DDHD1: variants seen among roughly 807,000 people sequenced by gnomAD.
DDHD1 encodes the protein phospholipase DDHD1.
Under a neutral mutation model 96.4 loss-of-function variants are expected in DDHD1, and 49 were observed. The ratio of observed to expected loss-of-function variants is 0.51; its 90% CI spans 0.40 to 0.64. DDHD1 has a LOEUF of 0.64. Ranked by LOEUF, DDHD1 falls within the 30% of genes least tolerant of loss-of-function variation. The probability of loss-of-function intolerance (pLI) is 0.00; values close to 1 mark genes in which losing one functional copy is unlikely to be tolerated. For missense variants in DDHD1, 1,106 were observed against 1,161.2 expected (o/e 0.95, Z 0.69); for synonymous variants, 442 against 446.5 (o/e 0.99, Z 0.13).
chr14:53,129,386 C>T (rs1889695383), intron 1 of DDHD1, among the ~76,000 whole-genome samples: 1 of 152,230 alleles, frequency 6.6e-6, no homozygotes, highest in Admixed American at 6.5e-5. Context: ...CTCTCCCTTC[C>T]TTAATTTTGG....
chr14:53,150,100 T>C (rs1317085433), intron 1 of DDHD1: 1 of 152,216 alleles, frequency 6.6e-6, no homozygotes, highest in African/African-American at 2.4e-5. Context: ...TCTCTGTGGT[T>C]GGTCAAAGCC....
chr14:53,114,289 G>A (rs1005879575), intron 1 of DDHD1, among the ~76,000 whole-genome samples: 10 of 152,214 alleles, frequency 6.6e-5, no homozygotes, highest in Admixed American at 2.0e-4. Context: ...CTGTGGGCAC[G>A]AGGCTTCAGC....
rs1009579094 is a variant in DDHD1 at position 53,045,982 on chromosome 14, T to C, written c.*786A>G. 4 of 152,178 alleles carry C rather than the reference T, an allele frequency of 2.6e-5. No homozygotes were observed. The highest frequency in any genetic ancestry group is 7.2e-5 in the African/African-American group (3 of 41,442). The allele number at this position is 152,178 out of a possible 1,614,324, so 9.4% of individuals were successfully genotyped here. On this transcript the variant is annotated 3_prime_UTR_variant, in exon 13 of 13. Transcript: ENST00000673822. ...AAACTTTAGCTTTCTCTGAAGTACA[T>C]GTAACATAATAAAAAGTTTATTTAA...
intron 4 of DDHD1, among the ~76,000 whole-genome samples, chr14:53,077,926 C>T (rs1286014304): frequency 6.6e-6 from 1 of 152,070 alleles, no homozygotes; most frequent in Non-Finnish European, 1.5e-5. Flanking sequence ...GTAATGTTTT[C>T]AAGTCTCATC....
chr14:53,078,664 A>C lies in DDHD1; in HGVS notation c.1290-4817T>G, dbSNP rs946765893. 3.3e-5 allele frequency among the ~76,000 whole-genome samples: 5 copies of C among 152,130 alleles called. No individual in the cohort carries two copies. The East Asian group carries it at 7.7e-4, about 23-fold the overall frequency. On this transcript the variant is annotated intron_variant, in intron 4 of 12. Coordinates refer to ENST00000673822, the MANE Select transcript of DDHD1 (RefSeq NM_001160148.2). ...GTCATTTGCAAACGGAGATAGTTTTATCTCTTCCATACTAATCTAGATGCC... is the reference window on the plus strand; with the variant it reads ...GTCATTTGCAAACGGAGATAGTTTTCTCTCTTCCATACTAATCTAGATGCC...
chr14:53,089,466 G>C (rs1316590019), intron 4 of DDHD1, among the ~76,000 whole-genome samples: 1 of 152,102 alleles, frequency 6.6e-6, no homozygotes, highest in Non-Finnish European at 1.5e-5. Flanking sequence ...TCAAAACAGA[G>C]ATATACACCA....
At position 53,093,421 on chromosome 14, in the gene DDHD1, G is replaced by C; in HGVS notation, c.1036C>G (p.Arg346Gly). The C allele has an allele frequency of 6.2e-7, 1 of 1,611,320 alleles. No individual in the cohort carries two copies. Among genetic ancestry groups the C allele is most frequent in the Middle Eastern group, 1.7e-4 (1 of 6,038 alleles). Residue 346 changes from arginine (R) to glycine (G), a missense_variant, in exon 3 of 13, where the codon CGA becomes GGA. This residue lies in a region of DDHD1 where 650 missense variants were observed against 758.8 expected (regional missense o/e 0.86). Transcript: ENST00000673822. Reference sequence around the variant, plus strand: ...ACACTGTGCCAGTCCACATGGTTTCGACTCAACTTGAAACTATGAACAGCT... The same window carrying C: ...ACACTGTGCCAGTCCACATGGTTTCCACTCAACTTGAAACTATGAACAGCT... ...KDAVHSFKLS[R>G]NHVDWHSVDE...
At chr14:53,103,405 A>G in intron 2 of DDHD1, 1 of 363,674 alleles carries the variant, frequency 2.7e-6, no homozygotes, top group Non-Finnish European at 4.8e-6. Context: ...AAATTACTAA[A>G]AAAGATTAAA....
Position 53,040,928 on chromosome 14 carries a change from A to C in DDHD1, c.*5840T>G, listed in dbSNP as rs1013765788. The C allele has an allele frequency of 6.6e-6, 1 of 152,034 alleles. No individual in the cohort carries two copies. The highest frequency in any genetic ancestry group is 6.6e-5 in the Admixed American group (1 of 15,246). The allele number at this position is 152,034 out of a possible 1,614,324, so 9.4% of individuals were successfully genotyped here. A position where few individuals can be genotyped will look rare whatever the true frequency, so the allele number is the denominator to read the frequency against. On this transcript the variant is annotated 3_prime_UTR_variant, in exon 13 of 13. Coordinates refer to ENST00000673822, the MANE Select transcript of DDHD1 (RefSeq NM_001160148.2). ...TTCTGAGAAATGTCCCTATGAGCAA[A>C]AATTCTCCATCTTCTTACTGGCAAA... is the stretch of plus-strand genomic sequence containing the variant.
At chr14:53,146,815 T>C (rs1028068332) in intron 1 of DDHD1, among the ~76,000 whole-genome samples, 3 of 152,170 alleles carry the variant, frequency 2.0e-5, no homozygotes, top group African/African-American at 7.2e-5. Flanking sequence ...CTGTAGATTA[T>C]ATACAGTAAC....
At chr14:53,062,075 CT>C (rs762439763) in intron 7 of DDHD1, among the ~76,000 whole-genome samples, 2 of 145,266 alleles carry the variant, frequency 1.4e-5, no homozygotes, top group African/African-American at 5.0e-5. Context: ...ATTTTCCATG[CT>C]TTTTTTTTCT....
In DDHD1 at chr14:53,147,085, T is replaced by C. The variant is rs140361861; in HGVS notation, c.838+5176A>G. ...TTTGCCAATATTTTTCATCTTAGGC[T>C]TCCTGTGAATAATACATTCTCCTTC... On this transcript the variant is annotated intron_variant, in intron 1 of 12. Coordinates refer to ENST00000673822, the MANE Select transcript of DDHD1 (RefSeq NM_001160148.2). Among the ~76,000 whole-genome samples, 499 of 152,280 alleles carry C rather than the reference T, an allele frequency of 3.3e-3. 1 individual carries two copies. The highest frequency in any genetic ancestry group is 4.0e-3 in the Admixed American group (61 of 15,294).
intron 1 of DDHD1, among the ~76,000 whole-genome samples, chr14:53,113,360 CT>C (rs199541849): frequency 1.1e-3 from 119 of 105,982 alleles, no homozygotes; most frequent in African/African-American, 4.7e-3. Flanking sequence ...TTTTTTTTTT[CT>C]TTTTAAAAAA....
intron 1 of DDHD1, 51 bp from the exon 2 acceptor site, chr14:53,103,907 CAA>C (rs754477316): frequency 1.4e-6 from 2 of 1,476,690 alleles, no homozygotes; most frequent in Admixed American, 2.4e-5. Flanking sequence ...TCAACTTCCC[CAA>C]AAGAGACACA....
At chr14:53,107,913 G>C (rs982426992) in intron 1 of DDHD1, among the ~76,000 whole-genome samples, 11 of 152,178 alleles carry the variant, frequency 7.2e-5, no homozygotes, top group African/African-American at 2.4e-4. Flanking sequence ...GGCAAAAACA[G>C]GAGGTAAAGA....
chr14:53,038,440 C>A lies in DDHD1; in HGVS notation c.*8328G>T, dbSNP rs1881416010. 1 of 152,088 alleles carries A rather than the reference C, an allele frequency of 6.6e-6. No individual in the cohort carries two copies. The highest frequency in any genetic ancestry group is 2.4e-5 in the African/African-American group (1 of 41,400). 9.4% of individuals were successfully genotyped at this position (152,088 alleles called of 1,614,324 possible). A position where few individuals can be genotyped will look rare whatever the true frequency, so the allele number is the denominator to read the frequency against. Reference sequence around the variant, plus strand: ...CAATAGCCATAAAAAAACTGAAATACTTAAAAATACACCTAACCAAGGAGG... The same window carrying A: ...CAATAGCCATAAAAAAACTGAAATAATTAAAAATACACCTAACCAAGGAGG... On this transcript the variant is annotated 3_prime_UTR_variant, in exon 13 of 13. Transcript: ENST00000673822.
At chr14:53,126,730 ACGT>A (rs1889469411) in intron 1 of DDHD1, among the ~76,000 whole-genome samples, 1 of 152,174 alleles carries the variant, frequency 6.6e-6, no homozygotes, top group Non-Finnish European at 1.5e-5. Context: ...TTTTTACTTG[ACGT>A]AGAAGTGGTC....
intron 2 of DDHD1, among the ~76,000 whole-genome samples, chr14:53,100,545 G>A (rs1469117657): frequency 1.3e-5 from 2 of 152,104 alleles, no homozygotes; most frequent in Non-Finnish European, 2.9e-5. Flanking sequence ...AAAGGGACTT[G>A]GATGTCCTCA....
intron 6 of DDHD1, among the ~76,000 whole-genome samples, chr14:53,072,299 T>C (rs1313526198): frequency 6.6e-6 from 1 of 152,088 alleles, no homozygotes; most frequent in African/African-American, 2.4e-5. Context: ...GGACATTTTA[T>C]GTCTAAAACT....
Sources: gnomAD v4.1 joint callset for allele counts (sites outside exome capture counted in the v4.1 genomes callset) on GRCh38, gnomAD v4.1.1 for gene constraint, gnomAD v4.1.1 regional missense constraint, MANE v1.5 for transcripts, NCBI Gene and HGNC (gene_info 2026-07-23, HGNC 2026-07-21) for gene names.